RORB: variants seen among roughly 807,000 people sequenced by gnomAD.
The protein encoded by RORB is nuclear receptor ROR-beta.
RORB carries 6 observed loss-of-function variants against 59.1 expected under a neutral mutation model. The observed-to-expected ratio is 0.10, with a 90% CI of 0.06 to 0.20. The LOEUF is 0.20. Among genes scored for constraint, RORB ranks in the 10% least tolerant of loss-of-function variants. The pLI, the probability that RORB is intolerant of heterozygous loss-of-function variation, is 1.00. For synonymous variants in RORB, 215 were observed against 204.5 expected (o/e 1.05, Z -0.44); for missense variants, 320 against 560.5 (o/e 0.57, Z 4.33).
intron 1 of RORB, among the ~76,000 whole-genome samples, chr9:74,586,972 C>CT (rs1444515984): frequency 5.3e-5 from 8 of 152,206 alleles, no homozygotes; most frequent in African/African-American, 1.9e-4. Flanking sequence ...CCTAACCAAT[C>CT]TGTCCACTCC....
rs1353445255 is a variant in RORB at position 74,498,045 on chromosome 9, A to G, written c.7+62A>G. On this transcript the variant is annotated intron_variant, in intron 1 of 9. Transcript: ENST00000376896. ...CGGCCAACTCCAGCCAGACGGGGAGATGGGGGAGGGGAGGGCACCCAGCAG... is the reference window on the plus strand; with the variant it reads ...CGGCCAACTCCAGCCAGACGGGGAGGTGGGGGAGGGGAGGGCACCCAGCAG... The G allele has an allele frequency of 6.9e-6, 11 of 1,583,540 alleles. No homozygotes were observed. The East Asian group carries it at 2.0e-4, about 29-fold the overall frequency.
At chr9:74,513,623 A>G (rs1825970504) in intron 1 of RORB, among the ~76,000 whole-genome samples, 1 of 152,084 alleles carries the variant, frequency 6.6e-6, no homozygotes, top group African/African-American at 2.4e-5. Context: ...CTAGTAACTA[A>G]TAAAAGACTT....
chr9:74,648,327 T>C (rs1011459821), intron 4 of RORB, among the ~76,000 whole-genome samples: 7 of 152,212 alleles, frequency 4.6e-5, no homozygotes, highest in East Asian at 1.9e-4. Context: ...ATACTAGCCA[T>C]GTGAATGTAT....
At chr9:74,679,856 G>A (rs1824515166) in intron 9 of RORB, among the ~76,000 whole-genome samples, 1 of 152,122 alleles carries the variant, frequency 6.6e-6, no homozygotes, top group African/African-American at 2.4e-5. Flanking sequence ...CCAGCACTTT[G>A]GGAGGCCGAG....
chr9:74,593,251 G>C lies in RORB; in HGVS notation c.8-37031G>C, dbSNP rs991039663. ...GGAGGCCAAGGCGGGTGGATCACTT[G>C]AAGTCAGGAGTTCGAGACCATCCTG... On this transcript the variant is annotated intron_variant, in intron 1 of 9. Coordinates refer to ENST00000376896, the MANE Select transcript of RORB (RefSeq NM_006914.4). 2.6e-5 allele frequency among the ~76,000 whole-genome samples: 4 copies of C among 152,166 alleles called. No individual in the cohort carries two copies. In the South Asian group the frequency reaches 8.3e-4, roughly 32 times the overall value.
intron 1 of RORB, among the ~76,000 whole-genome samples, chr9:74,611,600 G>A (rs1204550483): frequency 6.6e-6 from 1 of 152,148 alleles, no homozygotes; most frequent in African/African-American, 2.4e-5. Context: ...GTTGAGTCAA[G>A]CAACTAGTGT....
chr9:74,576,725 G>A (rs934780947), intron 1 of RORB, among the ~76,000 whole-genome samples: 1 of 152,062 alleles, frequency 6.6e-6, no homozygotes, highest in African/African-American at 2.4e-5. Flanking sequence ...TATTTTGAAA[G>A]CCTTTTTTAG....
rs749536178 is a variant in RORB at position 74,685,607 on chromosome 9, G to A, written c.1369G>A (p.Gly457Ser). The A allele has an allele frequency of 2.3e-5, 36 of 1,592,956 alleles. No homozygotes were observed. Among genetic ancestry groups the A allele is most frequent in the Admixed American group, 1.0e-4 (6 of 59,130 alleles). The change falls in exon 10 of 10, where the codon GGC becomes AGC. Residue 457 changes from glycine (G) to serine (S), a missense_variant. This residue lies in a region of RORB where 109 missense variants were observed against 171.0 expected (regional missense o/e 0.64). Transcript: ENST00000376896. ...KELFNPDCAT[G>S]CK The stretch of plus-strand genomic sequence containing the variant: ...GCTCTTTAATCCTGACTGTGCCACC[G>A]GCTGCAAATGAAGGGGACAAGAGAA...
intron 1 of RORB, among the ~76,000 whole-genome samples, chr9:74,595,485 A>G (rs1428313076): frequency 1.3e-5 from 2 of 152,200 alleles, no homozygotes; most frequent in Admixed American, 1.3e-4. Context: ...TTCATTCTCA[A>G]GTATTTAAGA....
chr9:74,557,245 T>C (rs1291000778), intron 1 of RORB, among the ~76,000 whole-genome samples: 3 of 152,192 alleles, frequency 2.0e-5, no homozygotes, highest in East Asian at 3.9e-4. Flanking sequence ...AACATCGTTG[T>C]TGGCTCAAAT....
At chr9:74,600,674 T>C (rs1166364259) in intron 1 of RORB, among the ~76,000 whole-genome samples, 3 of 152,224 alleles carry the variant, frequency 2.0e-5, no homozygotes, top group Non-Finnish European at 4.4e-5. Flanking sequence ...GATATTAAAA[T>C]ATTTCAAAGG....
chr9:74,639,196 C>G (rs1397328936), intron 3 of RORB, among the ~76,000 whole-genome samples: 1 of 152,208 alleles, frequency 6.6e-6, no homozygotes, highest in African/African-American at 2.4e-5. Context: ...TCACATATCC[C>G]CCAGCAAGCT....
At chr9:74,533,050 T>C (rs1045870514) in intron 1 of RORB, among the ~76,000 whole-genome samples, 1 of 151,780 alleles carries the variant, frequency 6.6e-6, no homozygotes, top group South Asian at 2.1e-4. Flanking sequence ...CATCTTGAGA[T>C]AGGCATCATT....
chr9:74,677,964 T>A (rs999124433), intron 9 of RORB, among the ~76,000 whole-genome samples: 1 of 152,146 alleles, frequency 6.6e-6, no homozygotes, highest in Non-Finnish European at 1.5e-5. Context: ...GTTCACATGC[T>A]GTGGAGGAAA....
At chr9:74,629,755 G>T (rs1050621621) in intron 1 of RORB, among the ~76,000 whole-genome samples, 1 of 152,148 alleles carries the variant, frequency 6.6e-6, no homozygotes, top group Non-Finnish European at 1.5e-5. Context: ...AGCATGCTCA[G>T]TAAATATTGG....
intron 1 of RORB, among the ~76,000 whole-genome samples, chr9:74,620,073 G>T (rs1412734641): frequency 6.6e-6 from 1 of 152,172 alleles, no homozygotes; most frequent in East Asian, 1.9e-4. Context: ...AGTTAGGGAG[G>T]ATTTCCTCTT....
At chr9:74,594,226 C>T (rs1309110381) in intron 1 of RORB, among the ~76,000 whole-genome samples, 2 of 152,172 alleles carry the variant, frequency 1.3e-5, no homozygotes, top group Admixed American at 1.3e-4. Context: ...ATGCCTTTTG[C>T]ACGAGTGAGA....
intron 1 of RORB, among the ~76,000 whole-genome samples, chr9:74,525,321 T>A (rs1826142027): frequency 6.6e-6 from 1 of 151,936 alleles, no homozygotes; most frequent in Admixed American, 6.6e-5. Flanking sequence ...GCATGCCATA[T>A]AAAATGCATT....
At chr9:74,637,528 CTG>C (rs144516725) in intron 3 of RORB, among the ~76,000 whole-genome samples, 10 of 151,546 alleles carry the variant, frequency 6.6e-5, no homozygotes, top group East Asian at 1.9e-4. Context: ...ATGTGTGTGT[CTG>C]TGTGTGTGTG....
Sources: allele counts gnomAD v4.1 joint callset (sites outside exome capture counted in the v4.1 genomes callset), GRCh38; gene constraint gnomAD v4.1.1; regional missense constraint gnomAD v4.1.1; transcripts MANE v1.5; gene names NCBI Gene and HGNC (gene_info 2026-07-23, HGNC 2026-07-21).